UGDH: variants seen among roughly 807,000 people sequenced by gnomAD.
The protein encoded by UGDH is UDP-glucose 6-dehydrogenase.
In UGDH, 38 loss-of-function variants were observed where a neutral mutation model predicts 50.6. That is an observed-to-expected ratio of 0.75 (90% CI 0.58 to 0.98). UGDH has a LOEUF of 0.98. Ranked by LOEUF, UGDH falls within the 50% of genes least tolerant of loss-of-function variation. The pLI is 0.00. For missense variants in UGDH, 465 were observed against 606.2 expected, an observed-to-expected ratio of 0.77 and a Z score of 2.45; for synonymous variants, 168 against 199.9, an observed-to-expected ratio of 0.84 and a Z score of 1.35.
chr4:39,516,149 T>G (rs1227446605), intron 2 of UGDH, among the ~76,000 whole-genome samples: 1 of 152,118 alleles, frequency 6.6e-6, no homozygotes. Context: ...CTGGGCATGG[T>G]GGCGCTTGCC....
intron 2 of UGDH, among the ~76,000 whole-genome samples, chr4:39,520,717 T>C (rs1470650373): frequency 6.6e-6 from 1 of 151,742 alleles, no homozygotes; most frequent in Non-Finnish European, 1.5e-5. Flanking sequence ...ATTTTATTTT[T>C]ACAGGATACC....
At position 39,502,410 on chromosome 4, in the gene UGDH, C is replaced by G. The variant is rs1745851983; in HGVS notation, c.1374+1465G>C. 2.0e-5 allele frequency among the ~76,000 whole-genome samples: 3 copies of G among 152,128 alleles called. No homozygotes were observed. The South Asian group carries it at 6.2e-4, about 32-fold the overall frequency. ...CAAGTTGGTGAGAGGTTAAGAGAACCAGATCAGATATTTTTGAATAGCAGA... is the reference window on the plus strand; with the variant it reads ...CAAGTTGGTGAGAGGTTAAGAGAACGAGATCAGATATTTTTGAATAGCAGA... On this transcript the variant is annotated intron_variant, in intron 11 of 11. Coordinates refer to ENST00000316423, the MANE Select transcript of UGDH (RefSeq NM_003359.4).
intron 3 of UGDH, among the ~76,000 whole-genome samples, chr4:39,511,760 A>G (rs1247175167): frequency 6.8e-6 from 1 of 146,986 alleles, no homozygotes; most frequent in Admixed American, 6.9e-5. Flanking sequence ...CCCAGGCTGG[A>G]GTGCAGTGGC....
chr4:39,501,437 C>CT (rs1338687067), intron 11 of UGDH, among the ~76,000 whole-genome samples: 5 of 151,336 alleles, frequency 3.3e-5, no homozygotes, highest in Non-Finnish European at 4.4e-5. Flanking sequence ...CCACGCCCGG[C>CT]AATTTTTTTG....
chr4:39,517,812 CTACTT>C, intron 2 of UGDH, among the ~76,000 whole-genome samples: 1 of 152,166 alleles, frequency 6.6e-6, no homozygotes, highest in Admixed American at 6.6e-5. Context: ...TCTGGCAACA[CTACTT>C]TTGTAAGATT....
At chr4:39,523,318 C>T (rs2109949063) in intron 1 of UGDH, among the ~76,000 whole-genome samples, 1 of 152,146 alleles carries the variant, frequency 6.6e-6, no homozygotes, top group South Asian at 2.1e-4. Context: ...TCACAAAGTG[C>T]TAGCATTACA....
chr4:39,509,404 A>G (rs1746144320), intron 6 of UGDH, among the ~76,000 whole-genome samples: 1 of 152,172 alleles, frequency 6.6e-6, no homozygotes, highest in Non-Finnish European at 1.5e-5. Flanking sequence ...GCCATAGACA[A>G]TATGTAGTCT....
intron 6 of UGDH, 104 bp downstream of exon 6, chr4:39,509,656 G>A: frequency 2.3e-6 from 3 of 1,314,848 alleles, no homozygotes; most frequent in Non-Finnish European, 2.0e-6. Context: ...TACCTAACAG[G>A]TTATAAGGAT....
At position 39,510,764 on chromosome 4, in the gene UGDH, T is replaced by C; in HGVS notation, c.362A>G (p.Asn121Ser). ...ACARRIVQNS[N>S]GYKIVTEKST... Reference sequence around the variant, plus strand: ...TTTCTCAGTCACAATTTTGTACCCATTTGAGTTTTGCACAATGCGTCTAGC... The same window carrying C: ...TTTCTCAGTCACAATTTTGTACCCACTTGAGTTTTGCACAATGCGTCTAGC... The change falls in exon 4 of 12, where the codon AAT (asparagine) becomes AGT (serine). Residue 121 changes from asparagine to serine, a missense_variant. By Grantham distance (46) the Asn-to-Ser change is conservative (BLOSUM62 1). Transcript: ENST00000316423. 1.9e-6 allele frequency: 3 copies of C among 1,614,228 alleles called. No individual in the cohort carries two copies. Among genetic ancestry groups the C allele is most frequent in the Non-Finnish European group, 1.7e-6 (2 of 1,180,020 alleles).
chr4:39,506,014 T>C (rs184226079), intron 7 of UGDH, among the ~76,000 whole-genome samples: 6 of 151,942 alleles, frequency 3.9e-5, no homozygotes, highest in African/African-American at 1.4e-4. Flanking sequence ...GGCGATTGCT[T>C]GAGCTCAGGA....
intron 10 of UGDH, among the ~76,000 whole-genome samples, 167 bp from the exon 11 acceptor site, chr4:39,504,152 C>T (rs1745935323): frequency 6.6e-6 from 1 of 151,880 alleles, no homozygotes; most frequent in African/African-American, 2.4e-5. Context: ...ACTAAAAATA[C>T]AAAAAATTAG....
At chr4:39,503,744 T>C (rs1745916586) in intron 11 of UGDH, 131 bp downstream of exon 11, 1 of 669,688 alleles carries the variant, frequency 1.5e-6, no homozygotes, top group Non-Finnish European at 2.4e-6. Flanking sequence ...ATCATCTTAA[T>C]TAGCCAAACA....
intron 6 of UGDH, 152 bp downstream of exon 6, chr4:39,509,608 G>T (rs560741608): frequency 3.4e-6 from 3 of 879,648 alleles, no homozygotes; most frequent in Admixed American, 3.5e-5. Context: ...AAATTTCCCT[G>T]AGTCTGAATC....
At chr4:39,519,678 A>G (rs1345908662) in intron 2 of UGDH, among the ~76,000 whole-genome samples, 1 of 151,962 alleles carries the variant, frequency 6.6e-6, no homozygotes, top group Non-Finnish European at 1.5e-5. Context: ...AGCTGGGATT[A>G]TAGGTGCGCA....
At chr4:39,505,785 A>G in intron 7 of UGDH, 37 bp from the exon 8 acceptor site, 1 of 1,576,556 alleles carries the variant, frequency 6.3e-7, no homozygotes, top group Non-Finnish European at 8.6e-7. Context: ...TGATTAGTTA[A>G]AAGAGGCACA....
intron 1 of UGDH, chr4:39,526,337 CG>C: frequency 6.6e-6 from 1 of 152,294 alleles, no homozygotes; most frequent in Non-Finnish European, 1.5e-5. Context: ...AGTACAGCAA[CG>C]GGAGAAGAAA....
chr4:39,509,708 C>A, intron 6 of UGDH, 52 bp downstream of exon 6: 2 of 1,566,704 alleles, frequency 1.3e-6, no homozygotes, highest in Non-Finnish European at 1.7e-6. Flanking sequence ...AAATAATATG[C>A]CTTCAGTAAA....
chr4:39,513,774 A>AT (rs574409635), intron 3 of UGDH, among the ~76,000 whole-genome samples: 237 of 152,106 alleles, frequency 1.6e-3, no homozygotes, highest in Non-Finnish European at 2.7e-3. Flanking sequence ...TGACCTTGTG[A>AT]TCTGCCCACC....
chr4:39,523,563 G>A (rs967114887), intron 1 of UGDH, among the ~76,000 whole-genome samples: 2 of 151,970 alleles, frequency 1.3e-5, no homozygotes, highest in African/African-American at 4.8e-5. Flanking sequence ...CCAGCACTTC[G>A]GGAGGCCGAG....
Sources: gnomAD v4.1 joint callset for allele counts (sites outside exome capture counted in the v4.1 genomes callset) on GRCh38, gnomAD v4.1.1 for gene constraint, MANE v1.5 for transcripts, NCBI Gene and HGNC (gene_info 2026-07-23, HGNC 2026-07-21) for gene names.